Variants in DPP6 observed in about 807,000 individuals in gnomAD.
DPP6 encodes dipeptidyl peptidase like 6.
In DPP6, 69 loss-of-function variants were observed where a neutral mutation model predicts 122.6. The observed-to-expected ratio is 0.56, with a 90% CI of 0.46 to 0.69. The LOEUF (loss-of-function observed/expected upper bound fraction) is 0.69. DPP6 is among the 30% of genes least tolerant of loss of function. The probability of loss-of-function intolerance (pLI) is 0.00; values close to 1 mark genes in which losing one functional copy is unlikely to be tolerated. For missense variants in DPP6, 928 were observed against 1,116.9 expected (o/e 0.83, Z 2.41); for synonymous variants, 418 against 433.1 (o/e 0.97, Z 0.43).
chr7:154,558,461 A>T (rs1450141152), intron 4 of DPP6, among the ~76,000 whole-genome samples: 1 of 152,258 alleles, frequency 6.6e-6, no homozygotes, highest in South Asian at 2.1e-4. Flanking sequence ...ATGAGGTTCA[A>T]TTAGCACTCA....
chr7:154,008,194 A>G (rs1027668935), intron 1 of DPP6, among the ~76,000 whole-genome samples: 1 of 152,176 alleles, frequency 6.6e-6, no homozygotes, highest in African/African-American at 2.4e-5. Context: ...AAACAGATTC[A>G]GAGAATTTAA....
At chr7:154,410,362 G>A (rs1463088095) in intron 1 of DPP6, among the ~76,000 whole-genome samples, 1 of 152,230 alleles carries the variant, frequency 6.6e-6, no homozygotes, top group African/African-American at 2.4e-5. Flanking sequence ...TAATTCTGCT[G>A]ATAAACAGAT....
intron 1 of DPP6, among the ~76,000 whole-genome samples, chr7:154,274,372 CCCAGTTTT>C (rs1219936561): frequency 6.6e-6 from 1 of 152,084 alleles, no homozygotes; most frequent in African/African-American, 2.4e-5. Context: ...AAATACAACC[CCCAGTTTT>C]CCTGCAATAG....
At chr7:153,804,227 T>C in the DPP6 span, among the ~76,000 whole-genome samples, 2 of 152,002 alleles carry the variant, frequency 1.3e-5, no homozygotes, top group Non-Finnish European at 2.9e-5. Context: ...TTTGTTTGTA[T>C]TTTTAGTAGA....
intron 1 of DPP6, among the ~76,000 whole-genome samples, chr7:154,325,600 T>C (rs991705721): frequency 1.3e-5 from 2 of 152,214 alleles, no homozygotes; most frequent in Non-Finnish European, 2.9e-5. Context: ...CCCTAAGAAA[T>C]AGAGCAACCT....
chr7:154,617,329 T>C (rs1473237246), intron 5 of DPP6, among the ~76,000 whole-genome samples: 1 of 152,234 alleles, frequency 6.6e-6, no homozygotes, highest in East Asian at 1.9e-4. Flanking sequence ...TTGTTGGCAA[T>C]TGTTTTTGTG....
At chr7:154,735,278 T>C (rs553810840) in intron 8 of DPP6, among the ~76,000 whole-genome samples, 1 of 150,130 alleles carries the variant, frequency 6.7e-6, no homozygotes, top group African/African-American at 2.5e-5. Context: ...GAGACAGCTG[T>C]TTTCCTTTTA....
intron 16 of DPP6, among the ~76,000 whole-genome samples, chr7:154,832,801 G>A (rs963213065): frequency 5.3e-5 from 8 of 152,206 alleles, no homozygotes; most frequent in African/African-American, 1.7e-4. Flanking sequence ...GCTTCTCCTC[G>A]CAGGACCGTG....
At chr7:154,104,479 G>A (rs1305929683) in intron 1 of DPP6, among the ~76,000 whole-genome samples, 3 of 152,190 alleles carry the variant, frequency 2.0e-5, no homozygotes, top group South Asian at 4.1e-4. Context: ...ATGAGAGAAG[G>A]TGTTTTCATG....
intron 1 of DPP6, among the ~76,000 whole-genome samples, chr7:154,138,290 A>G (rs1244848679): frequency 1.3e-5 from 2 of 152,240 alleles, no homozygotes; most frequent in East Asian, 1.9e-4. Flanking sequence ...CTATTTATGT[A>G]AAGTAGACAC....
Position 154,887,616 on chromosome 7 carries a change from G to A in DPP6, c.2246-60G>A. The A allele has an allele frequency of 2.5e-6, 4 of 1,580,636 alleles. No individual in the cohort carries two copies. In the East Asian group the frequency reaches 8.9e-5, roughly 35 times the overall value. On this transcript the variant is annotated intron_variant, in intron 22 of 25. Transcript: ENST00000377770. The stretch of plus-strand genomic sequence containing the variant: ...GTCCAGGGCCCTCCCTAGAGTTTGG[G>A]GGCTGCGCTCACAGGGCCTCGAAGC...
chr7:153,786,351 T>C, the DPP6 span, among the ~76,000 whole-genome samples: 1 of 150,052 alleles, frequency 6.7e-6, no homozygotes, highest in African/African-American at 2.5e-5. Flanking sequence ...CGTGGAAGCA[T>C]GCAAATAACA....
At chr7:154,627,991 C>G (rs747298469) in intron 5 of DPP6, among the ~76,000 whole-genome samples, 3 of 152,176 alleles carry the variant, frequency 2.0e-5, no homozygotes, top group African/African-American at 2.4e-5. Context: ...TAGCCAACAA[C>G]AAGAAGCAGT....
the DPP6 span, among the ~76,000 whole-genome samples, chr7:153,874,584 C>G: frequency 6.6e-6 from 1 of 152,110 alleles, no homozygotes; most frequent in Admixed American, 6.5e-5. Context: ...CTGCGTTGGC[C>G]AGGCTTGTCT....
At chr7:154,083,282 C>T (rs905829251) in intron 1 of DPP6, among the ~76,000 whole-genome samples, 2 of 152,086 alleles carry the variant, frequency 1.3e-5, no homozygotes, top group Non-Finnish European at 2.9e-5. Flanking sequence ...GCCCTCCTTG[C>T]AGAAGCCCAT....
chr7:154,401,120 C>CTGGGAGGTG (rs1238114631), intron 1 of DPP6, among the ~76,000 whole-genome samples: 1 of 151,730 alleles, frequency 6.6e-6, no homozygotes, highest in African/African-American at 2.4e-5. Context: ...TCACTCGAAC[C>CTGGGAGGTG]TGGGAGGTGT....
At chr7:154,862,102 A>G (rs567229796) in intron 17 of DPP6, among the ~76,000 whole-genome samples, 1 of 152,240 alleles carries the variant, frequency 6.6e-6, no homozygotes, top group African/African-American at 2.4e-5. Context: ...TTACTGGGGG[A>G]GTTCTCTTAC....
the DPP6 span, among the ~76,000 whole-genome samples, chr7:153,833,701 G>A: frequency 6.6e-6 from 1 of 151,856 alleles, no homozygotes; most frequent in Non-Finnish European, 1.5e-5. Flanking sequence ...GGGTGTGTGG[G>A]GAGAAGTCAA....
At position 153,900,582 on chromosome 7, in the gene DPP6, C is replaced by T. The variant is rs571283457; in HGVS notation, c.51+12848C>T. On this transcript the variant is annotated intron_variant, in intron 1 of 25. Coordinates refer to the DPP6 transcript ENST00000404039. ...CAAGCTCTTTTTAACAATCAGTTAC[C>T]CAGGGAATGAGTAACGGGATGACTA... Among the ~76,000 whole-genome samples, 10 of 152,146 alleles carry T rather than the reference C, an allele frequency of 6.6e-5. No individual in the cohort carries two copies. In the South Asian group the frequency reaches 2.1e-3, roughly 32 times the overall value.
Sources: gnomAD v4.1 joint callset for allele counts (sites outside exome capture counted in the v4.1 genomes callset) on GRCh38, gnomAD v4.1.1 for gene constraint, MANE v1.5 for transcripts, NCBI Gene and HGNC (gene_info 2026-07-23, HGNC 2026-07-21) for gene names.